Variants in NAT10 observed in about 807,000 individuals in gnomAD.
NAT10 encodes RNA cytidine acetyltransferase.
Under a neutral mutation model 132.2 loss-of-function variants are expected in NAT10, and 109 were observed. The ratio of observed to expected loss-of-function variants is 0.82; its 90% CI spans 0.71 to 0.97. NAT10 has a LOEUF of 0.97. NAT10 is among the 50% of genes least tolerant of loss of function. The pLI, the probability that NAT10 is intolerant of heterozygous loss-of-function variation, is 0.00. For synonymous variants in NAT10, 479 were observed against 478.0 expected, an observed-to-expected ratio of 1.00 and a Z score of -0.03; for missense variants, 1,184 against 1,263.4, an observed-to-expected ratio of 0.94 and a Z score of 0.95.
At chr11:34,142,448 G>GT in intron 27 of NAT10, 100 bp downstream of exon 27, 1 of 983,088 alleles carries the variant, frequency 1.0e-6, no homozygotes, top group Non-Finnish European at 1.6e-6. Context: ...CCTGGAAAGT[G>GT]TCTTTCATGG....
chr11:34,131,598 T>C (rs1365901087), intron 14 of NAT10, 67 bp downstream of exon 14: 4 of 1,478,484 alleles, frequency 2.7e-6, no homozygotes, highest in Non-Finnish European at 1.8e-6. Context: ...TCAAAGGACT[T>C]GAGTCCTTTG....
rs1261467974 is a variant in NAT10 at position 34,133,424 on chromosome 11, C to T, written c.1734+282C>T. On this transcript the variant is annotated intron_variant, in intron 16 of 28. Transcript: ENST00000257829. Reference sequence around the variant, plus strand: ...CCACAAACAGACTTGTTTGTTTTCTCCCTTTATTACAAAAGCAATACATGG... The same window carrying T: ...CCACAAACAGACTTGTTTGTTTTCTTCCTTTATTACAAAAGCAATACATGG... Among the ~76,000 whole-genome samples the T allele has an allele frequency of 3.9e-5, 6 of 152,280 alleles. No homozygotes were observed. The South Asian group carries it at 1.2e-3, about 32-fold the overall frequency.
intron 9 of NAT10, among the ~76,000 whole-genome samples, chr11:34,123,072 G>A (rs1851924387): frequency 6.6e-6 from 1 of 152,232 alleles, no homozygotes; most frequent in Admixed American, 6.5e-5. Context: ...GCTGCCAATA[G>A]AGTATGTTCT....
At chr11:34,130,159 T>C (rs1326846318) in intron 12 of NAT10, among the ~76,000 whole-genome samples, 1 of 152,202 alleles carries the variant, frequency 6.6e-6, no homozygotes, top group African/African-American at 2.4e-5. Context: ...TGTGGTGACA[T>C]ATGCCTGTGA....
chr11:34,118,063 T>G (rs1222556387), intron 6 of NAT10, 117 bp from the exon 7 acceptor site: 1 of 771,904 alleles, frequency 1.3e-6, no homozygotes, highest in Admixed American at 2.6e-5. Context: ...GGTTTTAGCT[T>G]TTTCTGGCTT....
Position 34,132,179 on chromosome 11 carries a change from C to T in NAT10, c.1575C>T (p.Phe525=). The stretch of plus-strand genomic sequence containing the variant: ...GCTACCACAAGGCCTCTGAAGTTTT[C>T]CTCCAACGGCTTATGGCCCTCTACG... The part of the protein sequence containing the change: ...LFCYHKASEV[F]LQRLMALYVA... The change falls in exon 15 of 29, where the codon TTC becomes TTT. Residue 525 remains phenylalanine (F), a synonymous_variant. Transcript: ENST00000257829. 1 of 1,614,116 alleles carries T rather than the reference C, an allele frequency of 6.2e-7. No homozygotes were observed. Among genetic ancestry groups the T allele is most frequent in the Non-Finnish European group, 8.5e-7 (1 of 1,180,006 alleles).
intron 19 of NAT10, 26 bp downstream of exon 19, chr11:34,135,317 G>C: frequency 6.3e-7 from 1 of 1,587,356 alleles, no homozygotes; most frequent in East Asian, 2.2e-5. Flanking sequence ...CAGACCTCCT[G>C]TGTCCTGGTT....
chr11:34,112,212 T>C lies in NAT10; in HGVS notation c.361T>C (p.Cys121Arg). 2 of 1,614,230 alleles carry C rather than the reference T, an allele frequency of 1.2e-6. No homozygotes were observed. Among genetic ancestry groups the C allele is most frequent in the Non-Finnish European group, 1.7e-6 (2 of 1,180,036 alleles). ...GATCCTGGGCAATACCTTCGGCATG[T>C]GTGTGCTGCAGGTGGGTGGCTTCCT... ...HKILGNTFGM[C>R]VLQDFEALTP... Residue 121 changes from cysteine to arginine, a missense_variant, in exon 4 of 29, where the codon TGT becomes CGT. Physicochemically the swap from Cys to Arg is radical, Grantham distance 180 (BLOSUM62 -3). Transcript: ENST00000257829.
chr11:34,123,957 G>T, intron 10 of NAT10, 102 bp downstream of exon 10: 4 of 873,674 alleles, frequency 4.6e-6, no homozygotes, highest in Admixed American at 4.0e-5. Context: ...ATCACCTGAG[G>T]TCGGGAGTTG....
intron 8 of NAT10, 88 bp downstream of exon 8, chr11:34,118,591 AC>A: frequency 1.0e-6 from 1 of 994,938 alleles, no homozygotes; most frequent in Non-Finnish European, 1.5e-6. Flanking sequence ...TTGACTCAAG[AC>A]CCAGACCCTC....
At chr11:34,112,470 A>G (rs144274204) in intron 4 of NAT10, among the ~76,000 whole-genome samples, 81 of 152,390 alleles carry the variant, frequency 5.3e-4, no homozygotes, top group Non-Finnish European at 7.1e-4. Context: ...AGTTATTATA[A>G]CGGGTTCTAA....
chr11:34,131,813 G>A (rs1852111495), intron 14 of NAT10, among the ~76,000 whole-genome samples: 1 of 151,378 alleles, frequency 6.6e-6, no homozygotes, highest in Admixed American at 6.6e-5. Context: ...AGCCTCTTGA[G>A]TAGCTGGGAT....
In NAT10 at chr11:34,127,569, A is replaced by C; in HGVS notation, c.1214A>C (p.Tyr405Ser). 1.2e-6 allele frequency: 2 copies of C among 1,613,430 alleles called. No homozygotes were observed. Among genetic ancestry groups the C allele is most frequent in the Non-Finnish European group, 8.5e-7 (1 of 1,179,414 alleles). Residue 405 changes from tyrosine (Y) to serine (S), a missense_variant, in exon 12 of 29, where the codon TAC becomes TCC. Tyr to Ser is a moderately radical substitution (Grantham distance 144). Coordinates refer to ENST00000257829, the MANE Select transcript of NAT10 (RefSeq NM_024662.3). ...TTGGTGAAGAGCCTACTTGGCCCCT[A>C]CCTTGTTTTCATGGCATCCACCATC... Reference protein sequence around the residue: ...LPLVKSLLGPYLVFMASTING... With the variant: ...LPLVKSLLGPSLVFMASTING...
Position 34,134,560 on chromosome 11 carries a change from A to ATC in NAT10, c.1886_1887insCT (p.Ala630LeufsTer45). On this transcript the variant is annotated frameshift_variant, in exon 18 of 29. Coordinates refer to ENST00000257829, the MANE Select transcript of NAT10 (RefSeq NM_024662.3). LOFTEE classifies it high-confidence loss of function. ...TCTGTCTGGTGGAAGGGTCGTTCGC[A>ATC]TTGCTGTTCACCCAGATTATCAAGG... 1 of 1,614,108 alleles carries ATC rather than the reference A, an allele frequency of 6.2e-7. No homozygotes were observed. The highest frequency in any genetic ancestry group is 8.5e-7 in the Non-Finnish European group (1 of 1,180,010).
At chr11:34,108,431 A>G in intron 2 of NAT10, 98 bp downstream of exon 2, 1 of 997,798 alleles carries the variant, frequency 1.0e-6, no homozygotes, top group Admixed American at 2.0e-5. Flanking sequence ...TGGCATTAAG[A>G]TCTCTTTGGC....
intron 6 of NAT10, 48 bp from the exon 7 acceptor site, chr11:34,118,132 C>T: frequency 1.4e-6 from 2 of 1,424,056 alleles, no homozygotes; most frequent in Non-Finnish European, 2.0e-6. Context: ...TCTGTATAGA[C>T]ATTGCATGCC....
At chr11:34,126,607 C>G (rs180791434) in intron 11 of NAT10, among the ~76,000 whole-genome samples, 393 of 152,322 alleles carry the variant, frequency 2.6e-3, no homozygotes, top group Non-Finnish European at 3.8e-3. Flanking sequence ...TGCCAGCATT[C>G]ATTTGAGTTT....
chr11:34,115,006 A>T (rs1452093853), intron 5 of NAT10, among the ~76,000 whole-genome samples: 1 of 152,134 alleles, frequency 6.6e-6, no homozygotes, highest in African/African-American at 2.4e-5. Flanking sequence ...TACAAAAAAA[A>T]TTAACCAGGT....
chr11:34,126,465 TTA>T, intron 11 of NAT10, among the ~76,000 whole-genome samples: 1 of 152,212 alleles, frequency 6.6e-6, no homozygotes, highest in Admixed American at 6.5e-5. Flanking sequence ...TCTTTAGGTA[TTA>T]TATGAGTAAA....
Sources: gnomAD v4.1 joint callset for allele counts (sites outside exome capture counted in the v4.1 genomes callset) on GRCh38, gnomAD v4.1.1 for gene constraint, MANE v1.5 for transcripts, NCBI Gene and HGNC (gene_info 2026-07-23, HGNC 2026-07-21) for gene names.